OVAAL: variants seen among roughly 807,000 people sequenced by gnomAD.
The protein encoded by OVAAL is long intergenic non-protein coding RNA 1131.
At chr1:180,562,269 AC>A (rs1653218185) in exon 2 of OVAAL, 1 of 152,430 alleles carries the variant, frequency 6.6e-6, no homozygotes, top group African/African-American at 2.4e-5. Context: ...GGGGAGAGGT[AC>A]AGAAAGAAGA....
At chr1:180,561,402 G>A (rs866462786) in intron 1 of OVAAL, among the ~76,000 whole-genome samples, 3 of 152,108 alleles carry the variant, frequency 2.0e-5, no homozygotes, top group Non-Finnish European at 4.4e-5. Flanking sequence ...TCCAGTCAGG[G>A]TAACAGGTGG....
exon 3 of OVAAL, chr1:180,565,910 A>G (rs1426844361): frequency 6.6e-6 from 1 of 152,158 alleles, no homozygotes; most frequent in African/African-American, 2.4e-5. Context: ...TGCCCTTTAC[A>G]CTTGATCTTA....
At chr1:180,564,432 G>T (rs1381681243) in intron 2 of OVAAL, among the ~76,000 whole-genome samples, 1 of 152,048 alleles carries the variant, frequency 6.6e-6, no homozygotes, top group Admixed American at 6.6e-5. Context: ...TCTAACTAGG[G>T]TTAGACTAGT....
intron 2 of OVAAL, among the ~76,000 whole-genome samples, chr1:180,562,832 CACAG>C (rs575908433): frequency 4.9e-4 from 75 of 152,332 alleles, no homozygotes; most frequent in African/African-American, 1.5e-3. Flanking sequence ...GTTAGAGTGA[CACAG>C]ACAGAGTGAC....
chr1:180,563,389 T>G (rs1653239420), intron 2 of OVAAL, among the ~76,000 whole-genome samples: 1 of 152,088 alleles, frequency 6.6e-6, no homozygotes, highest in Non-Finnish European at 1.5e-5. Flanking sequence ...CAGTGGAGAA[T>G]TCGTACGGGT....
At chr1:180,561,188 T>C (rs1045988323) in intron 1 of OVAAL, among the ~76,000 whole-genome samples, 2 of 152,218 alleles carry the variant, frequency 1.3e-5, no homozygotes, top group Non-Finnish European at 1.5e-5. Flanking sequence ...TGTTGTTTTT[T>C]ACCCCAGCAT....
intron 1 of OVAAL, among the ~76,000 whole-genome samples, chr1:180,562,047 G>A (rs963657946): frequency 2.0e-5 from 3 of 151,870 alleles, no homozygotes; most frequent in Admixed American, 1.3e-4. Context: ...AATAGAGTTC[G>A]CTTTTCCTTT....
Sources: gnomAD v4.1 joint callset for allele counts (sites outside exome capture counted in the v4.1 genomes callset) on GRCh38, gnomAD v4.1.1 for gene constraint, MANE v1.5 for transcripts, NCBI Gene and HGNC (gene_info 2026-07-23, HGNC 2026-07-21) for gene names.